The following CDH1 variants were observed in gnomAD, a reference collection of about 807,000 sequenced individuals.
The protein encoded by CDH1 is cadherin 1, also known as cadherin-1.
CDH1 carries 35 observed loss-of-function variants against 84.5 expected under a neutral mutation model. That is an observed-to-expected ratio of 0.41 (90% CI 0.32 to 0.55). The LOEUF is 0.55. Ranked by LOEUF, CDH1 falls within the 20% of genes least tolerant of loss-of-function variation. CDH1 has a pLI of 0.19. For synonymous variants in CDH1, 417 were observed against 439.0 expected (o/e 0.95, Z 0.63); for missense variants, 994 against 1,126.6 (o/e 0.88, Z 1.68).
chr16:68,831,143 A>G (rs941872380), intron 15 of CDH1, among the ~76,000 whole-genome samples: 2 of 141,048 alleles, frequency 1.4e-5, no homozygotes, highest in Non-Finnish European at 3.0e-5. Flanking sequence ...CAGTGGTGCA[A>G]TCTCAGCTCA....
chr16:68,781,364 G>C (rs1275558880), intron 2 of CDH1, among the ~76,000 whole-genome samples: 1 of 152,140 alleles, frequency 6.6e-6, no homozygotes, highest in Non-Finnish European at 1.5e-5. Flanking sequence ...TTTAGAGTTA[G>C]GGTCTCACTC....
At chr16:68,830,903 T>C (rs1228159400) in intron 15 of CDH1, among the ~76,000 whole-genome samples, 2 of 151,954 alleles carry the variant, frequency 1.3e-5, no homozygotes, top group African/African-American at 4.8e-5. Flanking sequence ...TAGCTTAGGA[T>C]AAGATGAGAA....
intron 7 of CDH1, 67 bp from the exon 8 acceptor site, chr16:68,812,068 G>A (rs2152132371): frequency 1.9e-6 from 3 of 1,610,572 alleles, no homozygotes; most frequent in Admixed American, 1.7e-5. Context: ...TCCATGTGTT[G>A]GGCTGGGCTA....
At chr16:68,820,354 T>A (rs1458045707) in intron 11 of CDH1, among the ~76,000 whole-genome samples, 1 of 133,590 alleles carries the variant, frequency 7.5e-6, no homozygotes, top group African/African-American at 3.0e-5. Context: ...GCTGTTTAAT[T>A]TTTTTTTTTT....
At position 68,829,755 on chromosome 16, in the gene CDH1, C is replaced by G. The variant is rs1246883958; in HGVS notation, c.2397C>G (p.Pro799=). The G allele has an allele frequency of 6.2e-7, 1 of 1,614,086 alleles. No individual in the cohort carries two copies. The highest frequency in any genetic ancestry group is 2.2e-5 in the East Asian group (1 of 44,870). Residue 799 remains proline (P), a synonymous_variant, in exon 15 of 16, where the codon CCC becomes CCG. Transcript: ENST00000261769. The part of the protein sequence containing the change: ...PTLMSVPRYL[P]RPANPDEIGN... ...TCATGAGTGTCCCCCGGTATCTTCC[C>G]CGCCCTGCCAATCCCGATGAAATTG...
intron 8 of CDH1, among the ~76,000 whole-genome samples, chr16:68,812,531 A>G (rs1206019848): frequency 6.6e-6 from 1 of 152,218 alleles, no homozygotes; most frequent in East Asian, 1.9e-4. Flanking sequence ...TTTTATAGCA[A>G]ATATTACCTG....
intron 2 of CDH1, among the ~76,000 whole-genome samples, chr16:68,777,673 G>T (rs1959771519): frequency 6.6e-6 from 1 of 150,744 alleles, no homozygotes. Flanking sequence ...CCTCCTGAGT[G>T]GCTTGACTAT....
intron 2 of CDH1, among the ~76,000 whole-genome samples, chr16:68,744,235 C>T (rs1962666381): frequency 6.6e-6 from 1 of 152,180 alleles, no homozygotes. Context: ...TAGAACCTTC[C>T]ATTATGCTCT....
intron 6 of CDH1, among the ~76,000 whole-genome samples, chr16:68,810,837 G>A (rs918929880): frequency 4.6e-5 from 7 of 151,558 alleles, no homozygotes; most frequent in African/African-American, 1.7e-4. Context: ...CTGCACTCCA[G>A]CCTGGGTGAC....
At chr16:68,811,921 G>A (rs2152132250) in intron 7 of CDH1, 62 bp downstream of exon 7, 1 of 1,582,238 alleles carries the variant, frequency 6.3e-7, no homozygotes, top group Non-Finnish European at 8.7e-7. Context: ...CAATCCCGTG[G>A]ACAAAGCAAA....
At chr16:68,827,037 C>T (rs1003993446) in intron 13 of CDH1, among the ~76,000 whole-genome samples, 1 of 152,032 alleles carries the variant, frequency 6.6e-6, no homozygotes, top group African/African-American at 2.4e-5. Context: ...TTGGGAGGCC[C>T]AGGTGGGTGG....
chr16:68,750,919 G>T (rs1962870496), intron 2 of CDH1, among the ~76,000 whole-genome samples: 1 of 151,916 alleles, frequency 6.6e-6, no homozygotes, highest in Admixed American at 6.6e-5. Flanking sequence ...TGCCCAGACT[G>T]GTCTGGAACT....
At chr16:68,831,847 C>T (rs1165224334) in intron 15 of CDH1, among the ~76,000 whole-genome samples, 1 of 152,040 alleles carries the variant, frequency 6.6e-6, no homozygotes, top group East Asian at 1.9e-4. Flanking sequence ...CTACAGACCC[C>T]TTTTAGATAC....
chr16:68,779,330 C>T (rs1959812566), intron 2 of CDH1, among the ~76,000 whole-genome samples: 1 of 152,218 alleles, frequency 6.6e-6, no homozygotes, highest in Non-Finnish European at 1.5e-5. Context: ...GCACATCCTC[C>T]AGGGAGGCAG....
chr16:68,806,788 G>A (rs998429954), intron 3 of CDH1, among the ~76,000 whole-genome samples: 1 of 152,224 alleles, frequency 6.6e-6, no homozygotes, highest in Admixed American at 6.5e-5. Context: ...TCCAGAGCCT[G>A]CCCTTGGCGC....
At chr16:68,770,038 G>A (rs142983949) in intron 2 of CDH1, among the ~76,000 whole-genome samples, 55 of 150,174 alleles carry the variant, frequency 3.7e-4, no homozygotes, top group African/African-American at 1.2e-3. Flanking sequence ...TCATGCCCCC[G>A]GTTGTTTTCA....
At chr16:68,808,389 T>C (rs2152129536) in intron 3 of CDH1, 35 bp from the exon 4 acceptor site, 2 of 1,613,506 alleles carry the variant, frequency 1.2e-6, no homozygotes, top group Non-Finnish European at 1.7e-6. Flanking sequence ...CGTCTTGAAT[T>C]GTCTTATCTT....
chr16:68,779,817 C>T (rs1310311238), intron 2 of CDH1, among the ~76,000 whole-genome samples: 1 of 152,190 alleles, frequency 6.6e-6, no homozygotes, highest in South Asian at 2.1e-4. Flanking sequence ...CACACCACTG[C>T]ACTCCAGCCT....
rs1452549328 is a variant in CDH1, at chr16:68,835,232, G to A, written c.*1733G>A. On this transcript the variant is annotated 3_prime_UTR_variant, in exon 16 of 16. Coordinates refer to ENST00000261769, the MANE Select transcript of CDH1 (RefSeq NM_004360.5). The stretch of plus-strand genomic sequence containing the variant: ...GATTTGGATCTCTTTTTATTTAAAT[G>A]TGAATTTCAACTTTTGACAATCAAA... 4.3e-6 allele frequency: 1 copy of A among 230,118 alleles called. No homozygotes were observed. The highest frequency in any genetic ancestry group is 8.6e-6 in the Non-Finnish European group (1 of 116,194). 14.3% of individuals were successfully genotyped at this position (230,118 alleles called of 1,614,324 possible).
Sources: gnomAD v4.1 joint callset for allele counts (sites outside exome capture counted in the v4.1 genomes callset) on GRCh38, gnomAD v4.1.1 for gene constraint, MANE v1.5 for transcripts, NCBI Gene and HGNC (gene_info 2026-07-23, HGNC 2026-07-21) for gene names.